Variants in CRYBG1 observed in about 807,000 individuals in gnomAD.
CRYBG1 encodes crystallin beta-gamma domain containing 1, also known as beta/gamma crystallin domain-containing protein 1.
In CRYBG1, 139 loss-of-function variants were observed where a neutral mutation model predicts 189.2. The observed-to-expected ratio is 0.73, with a 90% CI of 0.64 to 0.85. The LOEUF (loss-of-function observed/expected upper bound fraction) is 0.85, where lower values mean the gene tolerates loss of function less well. Among genes scored for constraint, CRYBG1 ranks in the 40% least tolerant of loss-of-function variants. The pLI, the probability that CRYBG1 is intolerant of heterozygous loss-of-function variation, is 0.00. For synonymous variants in CRYBG1, 1,023 were observed against 1,017.1 expected (o/e 1.01, Z -0.11); for missense variants, 2,611 against 2,675.8 (o/e 0.98, Z 0.53).
intron 7 of CRYBG1, among the ~76,000 whole-genome samples, chr6:106,529,242 G>A (rs562404496): frequency 7.2e-5 from 11 of 152,252 alleles, no homozygotes; most frequent in East Asian, 1.9e-4. Flanking sequence ...CACTGTGCCC[G>A]GCCAGTAATT....
intron 2 of CRYBG1, among the ~76,000 whole-genome samples, chr6:106,477,636 C>T (rs964808161): frequency 6.6e-6 from 1 of 152,190 alleles, no homozygotes; most frequent in South Asian, 2.1e-4. Flanking sequence ...CTCTGAGTTA[C>T]CCCTGGTGAT....
intron 2 of CRYBG1, among the ~76,000 whole-genome samples, chr6:106,462,846 C>T (rs931948132): frequency 5.9e-5 from 9 of 152,162 alleles, no homozygotes; most frequent in Admixed American, 6.5e-5. Flanking sequence ...TCATTATCCC[C>T]AATTCCTGTT....
intron 1 of CRYBG1, among the ~76,000 whole-genome samples, chr6:106,419,699 A>C (rs1037740518): frequency 6.6e-6 from 1 of 152,168 alleles, no homozygotes; most frequent in African/African-American, 2.4e-5. Context: ...ACAAGTTTTT[A>C]AGTGATTAGG....
At chr6:106,534,560 G>T (rs1006125239) in intron 8 of CRYBG1, among the ~76,000 whole-genome samples, 2 of 152,236 alleles carry the variant, frequency 1.3e-5, no homozygotes, top group East Asian at 3.9e-4. Context: ...GCTGTAGAGG[G>T]AACTCCTTAA....
intron 20 of CRYBG1, among the ~76,000 whole-genome samples, chr6:106,563,173 G>A (rs1774775507): frequency 6.6e-6 from 1 of 152,102 alleles, no homozygotes; most frequent in Non-Finnish European, 1.5e-5. Context: ...TTCAGGGAAG[G>A]GCTCATAAAA....
At chr6:106,398,604 T>G (rs1434707721) in intron 1 of CRYBG1, among the ~76,000 whole-genome samples, 2 of 152,222 alleles carry the variant, frequency 1.3e-5, no homozygotes, top group Admixed American at 1.3e-4. Context: ...CAAACACTTC[T>G]GTTAGGAGGC....
chr6:106,528,160 G>A (rs1773795948), intron 7 of CRYBG1, among the ~76,000 whole-genome samples: 2 of 152,224 alleles, frequency 1.3e-5, no homozygotes, highest in South Asian at 2.1e-4. Context: ...GAGTAAGGAT[G>A]AGTAACAGTT....
At chr6:106,397,017 G>A (rs1770626683) in intron 1 of CRYBG1, among the ~76,000 whole-genome samples, 1 of 152,212 alleles carries the variant, frequency 6.6e-6, no homozygotes, top group South Asian at 2.1e-4. Flanking sequence ...GTCATGGTAT[G>A]TAGAGACATC....
intron 2 of CRYBG1, among the ~76,000 whole-genome samples, chr6:106,456,939 G>A (rs1345645740): frequency 6.6e-6 from 1 of 152,064 alleles, no homozygotes; most frequent in Admixed American, 6.6e-5. Context: ...TTATCACTGG[G>A]CACCCACATT....
At chr6:106,529,429 T>A (rs1469499586) in intron 7 of CRYBG1, among the ~76,000 whole-genome samples, 1 of 152,250 alleles carries the variant, frequency 6.6e-6, no homozygotes, top group Non-Finnish European at 1.5e-5. Context: ...GGTTACCTTT[T>A]TAGCTCATTA....
At chr6:106,447,080 A>C (rs1257799284) in intron 1 of CRYBG1, among the ~76,000 whole-genome samples, 1 of 152,250 alleles carries the variant, frequency 6.6e-6, no homozygotes, top group Non-Finnish European at 1.5e-5. Flanking sequence ...GGGAGGTACA[A>C]AGGAGTATAA....
chr6:106,445,438 C>T (rs1187093772), intron 1 of CRYBG1, among the ~76,000 whole-genome samples: 1 of 152,196 alleles, frequency 6.6e-6, no homozygotes, highest in Non-Finnish European at 1.5e-5. Flanking sequence ...ACTAGATTAT[C>T]TCTAAGGGAT....
intron 1 of CRYBG1, among the ~76,000 whole-genome samples, chr6:106,431,873 C>G (rs1383181300): frequency 6.6e-6 from 1 of 152,050 alleles, no homozygotes. Flanking sequence ...ACTCTAGCTT[C>G]ACAGAACCAG....
intron 2 of CRYBG1, among the ~76,000 whole-genome samples, chr6:106,484,939 T>C (rs1264091447): frequency 6.6e-6 from 1 of 152,136 alleles, no homozygotes; most frequent in East Asian, 1.9e-4. Context: ...TGCAGTGAGC[T>C]ATGATGGAGC....
chr6:106,473,788 T>C (rs953323330), intron 2 of CRYBG1, among the ~76,000 whole-genome samples: 1 of 152,246 alleles, frequency 6.6e-6, no homozygotes, highest in African/African-American at 2.4e-5. Flanking sequence ...AATTGTTTTC[T>C]TACTTCTGTG....
chr6:106,417,235 G>A (rs1771038190), intron 1 of CRYBG1, among the ~76,000 whole-genome samples: 1 of 151,860 alleles, frequency 6.6e-6, no homozygotes, highest in Non-Finnish European at 1.5e-5. Context: ...AAAAAGCAGG[G>A]CTACAGACTG....
At position 106,544,920 on chromosome 6, in the gene CRYBG1, G is replaced by A. The variant is rs763158568; in HGVS notation, c.5299G>A (p.Val1767Ile). 4 of 1,601,246 alleles carry A rather than the reference G, an allele frequency of 2.5e-6. No individual in the cohort carries two copies. Among genetic ancestry groups the A allele is most frequent in the Admixed American group, 1.8e-5 (1 of 56,048 alleles). Reference sequence around the variant, plus strand: ...TGGAGTGAAGACACAGTCTATTAATGTACTGAGTGGAGTGTAAGTGAAATA... The same window carrying A: ...TGGAGTGAAGACACAGTCTATTAATATACTGAGTGGAGTGTAAGTGAAATA... ...GYGVKTQSIN[V>I]LSGVWVAYEN... The change falls in exon 13 of 22, where the codon GTA becomes ATA. Residue 1767 changes from valine to isoleucine, a missense_variant. Physicochemically the swap from Val to Ile is conservative, Grantham distance 29. Around this residue, in one of 3 missense-constraint regions of CRYBG1, gnomAD observed 1,622 missense variants for 1,735.0 expected, o/e 0.93. Transcript: ENST00000633556.
intron 2 of CRYBG1, among the ~76,000 whole-genome samples, chr6:106,484,641 G>T (rs1409251783): frequency 6.6e-6 from 1 of 152,064 alleles, no homozygotes; most frequent in East Asian, 1.9e-4. Context: ...TCCTTGCTCA[G>T]GATTACTTTG....
intron 2 of CRYBG1, among the ~76,000 whole-genome samples, chr6:106,464,166 G>A (rs572150451): frequency 3.3e-5 from 5 of 152,214 alleles, no homozygotes; most frequent in Middle Eastern, 3.4e-3. Context: ...CTGTCTAATC[G>A]AACGCTCTTC....
Sources: gnomAD v4.1 joint callset for allele counts (sites outside exome capture counted in the v4.1 genomes callset) on GRCh38, gnomAD v4.1.1 for gene constraint, gnomAD v4.1.1 regional missense constraint, MANE v1.5 for transcripts, NCBI Gene and HGNC (gene_info 2026-07-23, HGNC 2026-07-21) for gene names.